The following ACTR2 variants were observed in gnomAD, a reference collection of about 807,000 sequenced individuals.
ACTR2 encodes actin-related protein 2.
In ACTR2, 5 loss-of-function variants were observed where a neutral mutation model predicts 50.2. That is an observed-to-expected ratio of 0.10 (90% confidence interval 0.05 to 0.21). ACTR2 has a LOEUF of 0.21. Ranked by LOEUF, ACTR2 falls within the 10% of genes least tolerant of loss-of-function variation. The pLI is 1.00. For missense variants in ACTR2, 180 were observed against 480.6 expected (o/e 0.37, Z 5.85); for synonymous variants, 140 against 162.9 (o/e 0.86, Z 1.07).
intron 2 of ACTR2, among the ~76,000 whole-genome samples, chr2:65,245,719 T>C (rs748239088): frequency 1.2e-4 from 19 of 152,194 alleles, no homozygotes; most frequent in Non-Finnish European, 2.2e-4. Flanking sequence ...CATCCTTACT[T>C]ATTATATATA....
Position 65,269,821 on chromosome 2 carries a change from G to C in ACTR2, c.*1087G>C, listed in dbSNP as rs1170733839. On this transcript the variant is annotated 3_prime_UTR_variant, in exon 9 of 9. Transcript: ENST00000260641. ...GGAATACAGGACTTGTTGCCAATTG[G>C]GTAATTTTCATTAGTTGTTTTGTTT... 1 of 152,088 alleles carries C rather than the reference G, an allele frequency of 6.6e-6. No individual in the cohort carries two copies. The highest frequency in any genetic ancestry group is 2.4e-5 in the African/African-American group (1 of 41,402). The allele number at this position is 152,088 out of a possible 1,614,324, so 9.4% of individuals were successfully genotyped here.
chr2:65,246,080 C>T (rs1434266389), intron 2 of ACTR2: 1 of 155,140 alleles, frequency 6.4e-6, no homozygotes, highest in Non-Finnish European at 1.4e-5. Context: ...CTTTATAGTA[C>T]TTACATTTAT....
chr2:65,238,673 A>T (rs1485986043), intron 1 of ACTR2, among the ~76,000 whole-genome samples: 1 of 147,986 alleles, frequency 6.8e-6, no homozygotes, highest in Admixed American at 6.8e-5. Flanking sequence ...AAAAAAAAAA[A>T]AGTAAATAGC....
At chr2:65,263,433 T>G (rs1444925560) in intron 7 of ACTR2, among the ~76,000 whole-genome samples, 1 of 152,200 alleles carries the variant, frequency 6.6e-6, no homozygotes, top group East Asian at 1.9e-4. Flanking sequence ...ATCTAGAGCT[T>G]GAGTCATAGT....
At chr2:65,238,177 A>G (rs777077902) in intron 1 of ACTR2, among the ~76,000 whole-genome samples, 8 of 152,018 alleles carry the variant, frequency 5.3e-5, no homozygotes, top group Non-Finnish European at 8.8e-5. Flanking sequence ...TAAATTTTAA[A>G]TATTTTTTAA....
intron 6 of ACTR2, among the ~76,000 whole-genome samples, chr2:65,259,695 C>T (rs184614636): frequency 5.6e-4 from 86 of 152,290 alleles, no homozygotes; most frequent in Admixed American, 1.6e-3. Flanking sequence ...AGCCACTACA[C>T]TCCAGCCTGG....
At chr2:65,247,251 T>C (rs942941123) in intron 3 of ACTR2, among the ~76,000 whole-genome samples, 13 of 152,184 alleles carry the variant, frequency 8.5e-5, no homozygotes, top group Admixed American at 2.0e-4. Context: ...ATATGTATTA[T>C]ATACTATATT....
Position 65,253,749 on chromosome 2 carries a change from T to C in ACTR2, c.470T>C (p.Val157Ala). The C allele has an allele frequency of 6.2e-7, 1 of 1,614,030 alleles. No homozygotes were observed. Among genetic ancestry groups the C allele is most frequent in the Non-Finnish European group, 8.5e-7 (1 of 1,179,956 alleles). Residue 157 changes from valine (V) to alanine (A), a missense_variant, in exon 5 of 9, where the codon GTA becomes GCA. Physicochemically the swap from Val to Ala is moderately conservative, Grantham distance 64 (BLOSUM62 0). Transcript: ENST00000260641. The part of the protein sequence containing the change: ...YAQGLLTGVV[V>A]DSGDGVTHIC... The stretch of plus-strand genomic sequence containing the variant: ...GCAGGTTTATTGACTGGTGTAGTGG[T>C]AGACTCTGGAGATGGTGTGACTCAC...
rs544840778 is a variant in ACTR2, at chr2:65,253,886, T to C, written c.585+22T>C. On this transcript the variant is annotated intron_variant, in intron 5 of 8. Transcript: ENST00000260641. ...CAAGGTAAGTGAAAGGAAAATATCA[T>C]GGAAATTAAATTTTGTAATTTGTTT... 7 of 1,596,166 alleles carry C rather than the reference T, an allele frequency of 4.4e-6. No individual in the cohort carries two copies. The South Asian group carries it at 4.4e-5, about 10-fold the overall frequency.
intron 2 of ACTR2, chr2:65,241,972 T>G: frequency 6.3e-7 from 1 of 1,577,528 alleles, no homozygotes. Context: ...AACATTTCAG[T>G]GAGGATTTTA....
intron 8 of ACTR2, among the ~76,000 whole-genome samples, chr2:65,268,104 T>C (rs1672418370): frequency 6.6e-6 from 1 of 152,010 alleles, no homozygotes; most frequent in South Asian, 2.1e-4. Flanking sequence ...CCCAAAGTGC[T>C]GGGATTACAC....
chr2:65,228,125 G>C, intron 1 of ACTR2, 168 bp downstream of exon 1: 1 of 546,720 alleles, frequency 1.8e-6, no homozygotes, highest in Non-Finnish European at 2.9e-6. Context: ...GCCGTTCCCT[G>C]GTCTCCCTTG....
intron 6 of ACTR2, 86 bp downstream of exon 6, chr2:65,255,780 A>G: frequency 7.7e-7 from 1 of 1,297,834 alleles, no homozygotes; most frequent in Non-Finnish European, 1.1e-6. Context: ...TTTTCTTAGA[A>G]TCAGTATTTT....
rs1672473361 is a variant in ACTR2 at position 65,270,517 on chromosome 2, T to C, written c.*1783T>C. The C allele has an allele frequency of 6.6e-6, 1 of 152,568 alleles. No homozygotes were observed. The highest frequency in any genetic ancestry group is 1.9e-4 in the East Asian group (1 of 5,200). 9.5% of individuals were successfully genotyped at this position (152,568 alleles called of 1,614,324 possible). On this transcript the variant is annotated 3_prime_UTR_variant, in exon 9 of 9. Transcript: ENST00000260641. ...AGTTCTTATATAAATACCCCCAGCC[T>C]TTTGAGAACGGGGCTTGTTAAAGGA... is the stretch of plus-strand genomic sequence containing the variant.
At chr2:65,264,685 A>T (rs1191766548) in intron 7 of ACTR2, among the ~76,000 whole-genome samples, 2 of 152,264 alleles carry the variant, frequency 1.3e-5, no homozygotes, top group Non-Finnish European at 2.9e-5. Context: ...GGATTAAAGT[A>T]GAATAGGGCT....
At chr2:65,254,424 A>G (rs1412361202) in intron 5 of ACTR2, among the ~76,000 whole-genome samples, 1 of 152,210 alleles carries the variant, frequency 6.6e-6, no homozygotes, top group Non-Finnish European at 1.5e-5. Context: ...TTATTTCTGA[A>G]TATAACTAGT....
intron 3 of ACTR2, among the ~76,000 whole-genome samples, chr2:65,249,065 G>A (rs1671994837): frequency 6.6e-6 from 1 of 152,072 alleles, no homozygotes; most frequent in Admixed American, 6.6e-5. Context: ...GAAATAAGCA[G>A]TTACAGAGGA....
At chr2:65,255,900 T>C (rs1158389854) in intron 6 of ACTR2, among the ~76,000 whole-genome samples, 1 of 152,206 alleles carries the variant, frequency 6.6e-6, no homozygotes, top group Non-Finnish European at 1.5e-5. Context: ...AAGGCAAGAA[T>C]CATAAATTAC....
chr2:65,238,437 A>AGCAGC (rs1553406934), intron 1 of ACTR2, among the ~76,000 whole-genome samples: 1 of 151,828 alleles, frequency 6.6e-6, no homozygotes, highest in Non-Finnish European at 1.5e-5. Context: ...AGGCGGGCAG[A>AGCAGC]TCACGAGGTC....
Sources: allele counts gnomAD v4.1 joint callset (sites outside exome capture counted in the v4.1 genomes callset), GRCh38; gene constraint gnomAD v4.1.1; transcripts MANE v1.5; gene names NCBI Gene and HGNC (gene_info 2026-07-23, HGNC 2026-07-21).